The following UAP1 variants were observed in gnomAD, a reference collection of about 807,000 sequenced individuals.
The protein encoded by UAP1 is UDP-N-acetylhexosamine pyrophosphorylase.
In UAP1, 25 loss-of-function variants were observed where a neutral mutation model predicts 58.5. That is an observed-to-expected ratio of 0.43 (90% CI 0.31 to 0.60). The LOEUF (loss-of-function observed/expected upper bound fraction) is 0.60, where lower values mean the gene tolerates loss of function less well. UAP1 is among the 20% of genes least tolerant of loss of function. The pLI, the probability that UAP1 is intolerant of heterozygous loss-of-function variation, is 0.11. For synonymous variants in UAP1, 208 were observed against 213.0 expected (o/e 0.98, Z 0.21); for missense variants, 575 against 630.0 (o/e 0.91, Z 0.93).
intron 2 of UAP1, among the ~76,000 whole-genome samples, chr1:162,567,808 G>GT (rs1347162269): frequency 2.6e-5 from 4 of 151,726 alleles, no homozygotes; most frequent in Admixed American, 6.6e-5. Context: ...TTTCTTTGTG[G>GT]TTTTTTTTGA....
chr1:162,589,105 A>C (rs1189055841), intron 7 of UAP1, among the ~76,000 whole-genome samples: 1 of 119,264 alleles, frequency 8.4e-6, no homozygotes, highest in Non-Finnish European at 1.6e-5. Flanking sequence ...TTAAATATAT[A>C]TATTATATAT....
chr1:162,590,802 ATTTT>A (rs200031840), intron 8 of UAP1, among the ~76,000 whole-genome samples: 2 of 144,900 alleles, frequency 1.4e-5, no homozygotes, highest in African/African-American at 5.0e-5. Flanking sequence ...TGATCAGAAG[ATTTT>A]TTTTTTTTTG....
chr1:162,569,374 A>G (rs1428965777), intron 2 of UAP1, among the ~76,000 whole-genome samples: 1 of 152,204 alleles, frequency 6.6e-6, no homozygotes, highest in Non-Finnish European at 1.5e-5. Flanking sequence ...AAAATTATTT[A>G]TTTCTGAAGG....
rs1654525379 is a variant in UAP1 at position 162,580,693 on chromosome 1, T to G, written c.662-594T>G. ...CTATTCTTAGCTGTATTTTGTGAAGTTGTCTAATTTTTCATCACTTAAGCT... is the reference window on the plus strand; with the variant it reads ...CTATTCTTAGCTGTATTTTGTGAAGGTGTCTAATTTTTCATCACTTAAGCT... On this transcript the variant is annotated intron_variant, in intron 4 of 10. Transcript: ENST00000271469. Among the ~76,000 whole-genome samples, 4 of 152,338 alleles carry G rather than the reference T, an allele frequency of 2.6e-5. No individual in the cohort carries two copies. The South Asian group carries it at 8.3e-4, about 32-fold the overall frequency.
At chr1:162,579,656 A>G (rs573542223) in intron 4 of UAP1, 53 bp downstream of exon 4, 2 of 1,351,224 alleles carry the variant, frequency 1.5e-6, no homozygotes, top group East Asian at 4.8e-5. Flanking sequence ...AACATAAATC[A>G]TCAAATGTTG....
At chr1:162,577,767 A>G (rs746815660) in intron 3 of UAP1, among the ~76,000 whole-genome samples, 1 of 151,332 alleles carries the variant, frequency 6.6e-6, no homozygotes, top group Non-Finnish European at 1.5e-5. Flanking sequence ...ACACACCACC[A>G]CACCTGGCTA....
chr1:162,568,835 A>G (rs964396296), intron 2 of UAP1, among the ~76,000 whole-genome samples: 1 of 152,206 alleles, frequency 6.6e-6, no homozygotes, highest in Admixed American at 6.5e-5. Context: ...TGGAAAGTCA[A>G]CACTTTGACC....
intron 6 of UAP1, 48 bp downstream of exon 6, chr1:162,587,716 G>A: frequency 1.3e-6 from 2 of 1,565,520 alleles, no homozygotes; most frequent in South Asian, 2.4e-5. Flanking sequence ...TTGTTAATCA[G>A]AAACTAAGAC....
chr1:162,597,508 A>G, intron 9 of UAP1: 2 of 322,796 alleles, frequency 6.2e-6, no homozygotes, highest in Non-Finnish European at 1.1e-5. Flanking sequence ...AATGGTTAAA[A>G]ATGAGATGTA....
At position 162,590,771 on chromosome 1, in the gene UAP1, A is replaced by G. The variant is rs146575452; in HGVS notation, c.1358+260A>G. ...TTGGAAACATTGCCACCATGACAGC[A>G]AAAAGACTTCTACTAAATAATGATC... On this transcript the variant is annotated intron_variant, in intron 8 of 10. Coordinates refer to ENST00000271469, the Ensembl canonical transcript of UAP1. Among the ~76,000 whole-genome samples the G allele has an allele frequency of 4.1e-4, 63 of 152,144 alleles. 1 individual carries two copies. In the East Asian group the frequency reaches 0.012, roughly 28 times the overall value.
chr1:162,579,770 T>C (rs967054784), intron 4 of UAP1, among the ~76,000 whole-genome samples, 167 bp downstream of exon 4: 1 of 152,228 alleles, frequency 6.6e-6, no homozygotes, highest in Non-Finnish European at 1.5e-5. Flanking sequence ...GTTGGTGTAA[T>C]GGATACACTT....
intron 10 of UAP1, 46 bp downstream of exon 10, chr1:162,597,904 A>G (rs773069798): frequency 1.3e-6 from 2 of 1,493,330 alleles, no homozygotes; most frequent in Non-Finnish European, 1.8e-6. Context: ...AAAGCTTTGT[A>G]TATTTCAAAA....
At chr1:162,579,175 G>T (rs1178614144) in intron 3 of UAP1, among the ~76,000 whole-genome samples, 1 of 152,192 alleles carries the variant, frequency 6.6e-6, no homozygotes, top group Non-Finnish European at 1.5e-5. Context: ...AGGTTCTCTT[G>T]AAGGAGGTGT....
rs79413137 is a variant in UAP1, at chr1:162,564,574, A to T, written c.-57-1438A>T. The stretch of plus-strand genomic sequence containing the variant: ...ATCTGGTTCAGACCTTTGGTATTTC[A>T]TACCTGCAGTTGTCTTTTAACTTCT... On this transcript the variant is annotated intron_variant, in intron 1 of 10. Transcript: ENST00000271469. Among the ~76,000 whole-genome samples, 298 of 152,226 alleles carry T rather than the reference A, an allele frequency of 2.0e-3. 5 individuals are homozygous for T. In the East Asian group the frequency reaches 0.048, roughly 25 times the overall value.
rs553463253 is a variant in UAP1 at position 162,588,919 on chromosome 1, AAACATTTGATAGCACAT to A, written c.1169+88_1169+104del. The A allele has an allele frequency of 1.1e-4, 143 of 1,344,558 alleles. 4 individuals are homozygous for A. The South Asian group carries it at 2.1e-3, about 19-fold the overall frequency. The allele number at this position is 1,344,558 out of a possible 1,614,324, so 83.3% of individuals were successfully genotyped here. On this transcript the variant is annotated intron_variant, in intron 7 of 10. Transcript: ENST00000271469. ...TCTTAGGCATGAAACTGTTTTCAGGAAACATTTGATAGCACATATCTCACATGGCATTTTGATTGTGA... is the reference window on the plus strand; with the variant it reads ...TCTTAGGCATGAAACTGTTTTCAGGAATCTCACATGGCATTTTGATTGTGA...
chr1:162,571,671 T>C (rs1381367687), intron 2 of UAP1, among the ~76,000 whole-genome samples: 7 of 152,222 alleles, frequency 4.6e-5, no homozygotes, highest in Non-Finnish European at 1.0e-4. Context: ...GTGCTGCCCA[T>C]ATAAAATTTA....
At chr1:162,595,977 G>C (rs1182802453) in intron 9 of UAP1, among the ~76,000 whole-genome samples, 1 of 151,928 alleles carries the variant, frequency 6.6e-6, no homozygotes, top group Non-Finnish European at 1.5e-5. Context: ...TCAGCCTCCT[G>C]AGTAGCTGGG....
At chr1:162,591,898 C>T (rs567687716) in intron 8 of UAP1, among the ~76,000 whole-genome samples, 1 of 152,284 alleles carries the variant, frequency 6.6e-6, no homozygotes, top group South Asian at 2.1e-4. Flanking sequence ...AATACACCCG[C>T]CTTGGCCACC....
intron 1 of UAP1, among the ~76,000 whole-genome samples, chr1:162,562,912 G>T (rs1653250308): frequency 6.6e-6 from 1 of 152,138 alleles, no homozygotes; most frequent in Admixed American, 6.6e-5. Flanking sequence ...CAGAAAAGGA[G>T]GGAGAAATAC....
Sources: gnomAD v4.1 joint callset for allele counts (sites outside exome capture counted in the v4.1 genomes callset) on GRCh38, gnomAD v4.1.1 for gene constraint, MANE v1.5 for transcripts, NCBI Gene and HGNC (gene_info 2026-07-23, HGNC 2026-07-21) for gene names.